Variants in CPA6 observed in about 807,000 individuals in gnomAD.
The protein encoded by CPA6 is carboxypeptidase A6.
A neutral mutation model predicts 63.3 loss-of-function variants in CPA6; 58 were observed. That is an observed-to-expected ratio of 0.92 (90% CI 0.74 to 1.14). The LOEUF (loss-of-function observed/expected upper bound fraction) is 1.14, where lower values mean the gene tolerates loss of function less well. Ranked by LOEUF, CPA6 falls within the 50% of genes most tolerant of loss-of-function variation. The pLI is 0.00. For missense variants in CPA6, 565 were observed against 526.6 expected (o/e 1.07, Z -0.71); for synonymous variants, 185 against 179.0 (o/e 1.03, Z -0.27).
intron 2 of CPA6, among the ~76,000 whole-genome samples, chr8:67,538,220 G>A (rs114884837): frequency 0.012 from 1,870 of 152,280 alleles, 37 homozygotes; most frequent in African/African-American, 0.043. Context: ...CCAGAGTTGA[G>A]TTCAAATCCT....
chr8:67,724,230 A>G (rs1305124951), intron 1 of CPA6, among the ~76,000 whole-genome samples: 1 of 152,090 alleles, frequency 6.6e-6, no homozygotes, highest in Non-Finnish European at 1.5e-5. Flanking sequence ...CTCCTCCTAC[A>G]TGGCCTTCTC....
At chr8:67,521,443 AC>A (rs1278145692) in intron 2 of CPA6, among the ~76,000 whole-genome samples, 1 of 152,172 alleles carries the variant, frequency 6.6e-6, no homozygotes, top group Non-Finnish European at 1.5e-5. Flanking sequence ...TTAAAAACAT[AC>A]CCAGCAGGCT....
intron 10 of CPA6, among the ~76,000 whole-genome samples, chr8:67,427,418 T>C (rs1257529353): frequency 6.6e-6 from 1 of 152,202 alleles, no homozygotes; most frequent in Non-Finnish European, 1.5e-5. Flanking sequence ...CACATAGAAT[T>C]AATAAAATTT....
intron 2 of CPA6, among the ~76,000 whole-genome samples, chr8:67,568,968 C>T (rs1170571487): frequency 6.6e-6 from 1 of 152,166 alleles, no homozygotes; most frequent in Admixed American, 6.5e-5. Flanking sequence ...CCAGGCTGGT[C>T]TCAAGCTCCT....
intron 9 of CPA6, 141 bp from the exon 10 acceptor site, chr8:67,428,272 CTT>C (rs947517661): frequency 2.4e-5 from 13 of 541,948 alleles, no homozygotes; most frequent in Non-Finnish European, 3.2e-5. Context: ...TTATATTACT[CTT>C]ATGTCACACG....
intron 1 of CPA6, among the ~76,000 whole-genome samples, chr8:67,642,456 C>T (rs547511721): frequency 1.3e-5 from 2 of 152,206 alleles, no homozygotes; most frequent in South Asian, 4.1e-4. Context: ...CAATTCCAAA[C>T]AAAATTTCAA....
At chr8:67,621,201 C>T (rs1815073422) in intron 2 of CPA6, among the ~76,000 whole-genome samples, 1 of 152,204 alleles carries the variant, frequency 6.6e-6, no homozygotes, top group Admixed American at 6.5e-5. Flanking sequence ...GCTTGTGCCT[C>T]ATTTCCCCTG....
At chr8:67,551,644 G>A (rs1175422442) in intron 2 of CPA6, among the ~76,000 whole-genome samples, 4 of 152,088 alleles carry the variant, frequency 2.6e-5, no homozygotes, top group Admixed American at 2.0e-4. Flanking sequence ...TGATTCTTCC[G>A]ATTCTTGAGC....
At chr8:67,516,081 T>C (rs1230350267) in intron 3 of CPA6, among the ~76,000 whole-genome samples, 3 of 152,190 alleles carry the variant, frequency 2.0e-5, no homozygotes, top group South Asian at 2.1e-4. Flanking sequence ...GACCTTTCCA[T>C]GGTTCTATCC....
At chr8:67,623,776 T>C (rs1815134692) in intron 2 of CPA6, among the ~76,000 whole-genome samples, 1 of 152,022 alleles carries the variant, frequency 6.6e-6, no homozygotes. Context: ...AAAAGCTCTT[T>C]TGGCTGGGCA....
intron 1 of CPA6, among the ~76,000 whole-genome samples, chr8:67,690,726 T>C (rs1484964915): frequency 6.6e-6 from 1 of 152,130 alleles, no homozygotes; most frequent in African/African-American, 2.4e-5. Flanking sequence ...CTAAAAAAAA[T>C]ACAAGTCAGG....
intron 6 of CPA6, among the ~76,000 whole-genome samples, chr8:67,489,360 A>G (rs1811556087): frequency 6.6e-6 from 1 of 152,296 alleles, no homozygotes; most frequent in Middle Eastern, 3.4e-3. Flanking sequence ...ATTTCCCTTT[A>G]ATACTACCTT....
intron 1 of CPA6, among the ~76,000 whole-genome samples, chr8:67,686,488 T>C (rs532723279): frequency 1.0e-3 from 153 of 152,336 alleles, no homozygotes; most frequent in Non-Finnish European, 2.0e-3. Flanking sequence ...ATTGCCCACA[T>C]ATAACTGGGG....
chr8:67,651,623 T>G (rs1229700044), intron 1 of CPA6, among the ~76,000 whole-genome samples: 1 of 152,144 alleles, frequency 6.6e-6, no homozygotes, highest in Non-Finnish European at 1.5e-5. Context: ...CTGTATAATT[T>G]TGGTTTCGGT....
chr8:67,426,375 T>C (rs1356486948), intron 10 of CPA6, among the ~76,000 whole-genome samples: 2 of 152,244 alleles, frequency 1.3e-5, no homozygotes, highest in African/African-American at 4.8e-5. Context: ...TTAAAAAACG[T>C]TAATGTTTAA....
intron 1 of CPA6, among the ~76,000 whole-genome samples, chr8:67,650,804 A>G (rs1815819505): frequency 6.6e-6 from 1 of 152,178 alleles, no homozygotes; most frequent in Non-Finnish European, 1.5e-5. Context: ...TCTTTCACAA[A>G]TTGCACAGAG....
chr8:67,489,828 A>G (rs1811566811), intron 6 of CPA6, among the ~76,000 whole-genome samples: 1 of 152,132 alleles, frequency 6.6e-6, no homozygotes, highest in African/African-American at 2.4e-5. Flanking sequence ...CATGCTGTCA[A>G]TTTTTGTTTT....
chr8:67,547,784 A>G (rs567672581), intron 2 of CPA6, among the ~76,000 whole-genome samples: 15 of 152,274 alleles, frequency 9.9e-5, no homozygotes, highest in African/African-American at 3.6e-4. Flanking sequence ...GTGAGTCAAC[A>G]TGCTTGGCCC....
At chr8:67,466,686 T>C (rs1434857374) in intron 8 of CPA6, among the ~76,000 whole-genome samples, 1 of 152,214 alleles carries the variant, frequency 6.6e-6, no homozygotes, top group African/African-American at 2.4e-5. Context: ...TTAAGAATTT[T>C]GTGATTTCTG....
Sources: gnomAD v4.1 joint callset for allele counts (sites outside exome capture counted in the v4.1 genomes callset) on GRCh38, gnomAD v4.1.1 for gene constraint, MANE v1.5 for transcripts, NCBI Gene and HGNC (gene_info 2026-07-23, HGNC 2026-07-21) for gene names.